The following TRPM3 variants were observed in gnomAD, a reference collection of about 807,000 sequenced individuals.
TRPM3 encodes the protein long transient receptor potential channel 3.
In TRPM3, 77 loss-of-function variants were observed where a neutral mutation model predicts 181.2. That is an observed-to-expected ratio of 0.42 (90% CI 0.35 to 0.51). TRPM3 has a LOEUF of 0.51. Ranked by LOEUF, TRPM3 falls within the 20% of genes least tolerant of loss-of-function variation. The probability of loss-of-function intolerance (pLI) is 0.01; values close to 1 mark genes in which losing one functional copy is unlikely to be tolerated. For synonymous variants in TRPM3, 745 were observed against 796.4 expected, an observed-to-expected ratio of 0.94 and a Z score of 1.09; for missense variants, 1,759 against 2,196.7, an observed-to-expected ratio of 0.80 and a Z score of 3.98.
intron 1 of TRPM3, chr9:71,446,575 A>G: frequency 6.9e-7 from 1 of 1,449,000 alleles, no homozygotes; most frequent in Non-Finnish European, 9.3e-7. Flanking sequence ...AGGCAAGTTC[A>G]GCACCATGGA....
At chr9:71,414,998 T>C (rs961709899) in intron 1 of TRPM3, among the ~76,000 whole-genome samples, 4 of 152,060 alleles carry the variant, frequency 2.6e-5, no homozygotes, top group Admixed American at 2.6e-4. Context: ...TTTGCAGATA[T>C]GATTGAGTTA....
chr9:70,909,032 C>A (rs1051079768), intron 1 of TRPM3, among the ~76,000 whole-genome samples: 2 of 152,138 alleles, frequency 1.3e-5, no homozygotes, highest in African/African-American at 4.8e-5. Context: ...ATCTTTATTT[C>A]TTTGGAGTAG....
chr9:70,787,993 C>T (rs1267319966), intron 6 of TRPM3, among the ~76,000 whole-genome samples: 2 of 143,772 alleles, frequency 1.4e-5, no homozygotes, highest in African/African-American at 5.3e-5. Context: ...CTACTACTCT[C>T]TCACTATCCT....
At chr9:71,018,627 G>T (rs2097808289) in intron 1 of TRPM3, among the ~76,000 whole-genome samples, 1 of 151,746 alleles carries the variant, frequency 6.6e-6, no homozygotes, top group Non-Finnish European at 1.5e-5. Context: ...AGTAAAGTAT[G>T]AAAATCCTAT....
intron 1 of TRPM3, among the ~76,000 whole-genome samples, chr9:70,930,576 T>C (rs1376933842): frequency 6.6e-6 from 1 of 152,174 alleles, no homozygotes; most frequent in Non-Finnish European, 1.5e-5. Context: ...AGTAAAATGT[T>C]AAGGATAGAG....
intron 8 of TRPM3, among the ~76,000 whole-genome samples, chr9:70,688,803 A>G (rs1343108723): frequency 6.6e-6 from 1 of 152,162 alleles, no homozygotes; most frequent in Non-Finnish European, 1.5e-5. Flanking sequence ...TCTATAATGT[A>G]ACTAGGATCC....
chr9:70,815,931 A>G (rs932587882), intron 6 of TRPM3, among the ~76,000 whole-genome samples: 1 of 152,218 alleles, frequency 6.6e-6, no homozygotes, highest in African/African-American at 2.4e-5. Flanking sequence ...AAATTGTTTT[A>G]CAAGAGTACA....
intron 7 of TRPM3, among the ~76,000 whole-genome samples, chr9:70,768,416 A>G (rs1178977129): frequency 6.6e-6 from 1 of 152,066 alleles, no homozygotes; most frequent in Non-Finnish European, 1.5e-5. Context: ...AATGCTGCAT[A>G]TAAGGGACAT....
chr9:71,321,840 A>G (rs970248803), intron 1 of TRPM3, among the ~76,000 whole-genome samples: 6 of 152,112 alleles, frequency 3.9e-5, no homozygotes, highest in African/African-American at 7.2e-5. Context: ...TAGCATATGC[A>G]GAAGTGTAAG....
At chr9:70,944,938 A>T (rs1438576891) in intron 1 of TRPM3, among the ~76,000 whole-genome samples, 1 of 152,072 alleles carries the variant, frequency 6.6e-6, no homozygotes, top group Non-Finnish European at 1.5e-5. Context: ...AAGTGACTGA[A>T]GAGAATCAAT....
intron 1 of TRPM3, among the ~76,000 whole-genome samples, chr9:71,414,415 C>A (rs1032910605): frequency 1.3e-5 from 2 of 151,990 alleles, no homozygotes; most frequent in African/African-American, 4.8e-5. Flanking sequence ...TTTTTCCTTC[C>A]TTTCACAAAG....
intron 1 of TRPM3, among the ~76,000 whole-genome samples, chr9:71,354,943 A>C (rs992258274): frequency 2.6e-5 from 4 of 152,216 alleles, no homozygotes; most frequent in African/African-American, 7.2e-5. Context: ...TCTGTTATTC[A>C]AACATTCTTA....
chr9:70,975,328 T>C (rs1197183644), intron 1 of TRPM3, among the ~76,000 whole-genome samples: 1 of 152,206 alleles, frequency 6.6e-6, no homozygotes, highest in African/African-American at 2.4e-5. Flanking sequence ...AAGGAGCTTG[T>C]TACTTGTACC....
At chr9:70,810,476 C>T (rs372279240) in intron 6 of TRPM3, among the ~76,000 whole-genome samples, 1 of 151,860 alleles carries the variant, frequency 6.6e-6, no homozygotes, top group African/African-American at 2.4e-5. Flanking sequence ...TCCTCTCCAG[C>T]ACCCTGTTGT....
chr9:71,284,787 G>C (rs1385372438), intron 1 of TRPM3, among the ~76,000 whole-genome samples: 1 of 152,040 alleles, frequency 6.6e-6, no homozygotes, highest in African/African-American at 2.4e-5. Context: ...ACATTACTTA[G>C]TCTATACAGT....
intron 1 of TRPM3, among the ~76,000 whole-genome samples, chr9:70,949,615 CAA>C (rs1033762978): frequency 1.3e-5 from 2 of 151,286 alleles, no homozygotes; most frequent in African/African-American, 4.9e-5. Context: ...CGTCATTTGC[CAA>C]AGTCTTGAAC....
chr9:71,201,943 TC>T (rs1432728104), intron 1 of TRPM3, among the ~76,000 whole-genome samples: 15 of 152,346 alleles, frequency 9.8e-5, no homozygotes, highest in Admixed American at 2.6e-4. Context: ...CTCTGTTTTT[TC>T]CCCATCTTTG....
At chr9:70,668,954 G>A (rs1424621884) in intron 9 of TRPM3, among the ~76,000 whole-genome samples, 1 of 152,188 alleles carries the variant, frequency 6.6e-6, no homozygotes, top group African/African-American at 2.4e-5. Flanking sequence ...CTGGGAAGTC[G>A]GCAGTGATGA....
At chr9:71,085,181 A>G (rs894286251) in intron 1 of TRPM3, among the ~76,000 whole-genome samples, 1 of 152,072 alleles carries the variant, frequency 6.6e-6, no homozygotes, top group Non-Finnish European at 1.5e-5. Flanking sequence ...AGAATACTAG[A>G]AGAAAGCCTA....
Sources: gnomAD v4.1 joint callset for allele counts (sites outside exome capture counted in the v4.1 genomes callset) on GRCh38, gnomAD v4.1.1 for gene constraint, MANE v1.5 for transcripts, NCBI Gene and HGNC (gene_info 2026-07-23, HGNC 2026-07-21) for gene names.